Variants in TAX1BP1 observed in about 807,000 individuals in gnomAD.
TAX1BP1 encodes Tax1 binding protein 1.
In TAX1BP1, 62 loss-of-function variants were observed where a neutral mutation model predicts 97.7. The ratio of observed to expected loss-of-function variants is 0.63; its 90% CI spans 0.52 to 0.78. The LOEUF (loss-of-function observed/expected upper bound fraction) is 0.78. Among genes scored for constraint, TAX1BP1 ranks in the 30% least tolerant of loss-of-function variants. The probability of loss-of-function intolerance (pLI) is 0.00; values close to 1 mark genes in which losing one functional copy is unlikely to be tolerated. For missense variants in TAX1BP1, 867 were observed against 916.1 expected, an observed-to-expected ratio of 0.95 and a Z score of 0.69; for synonymous variants, 340 against 304.2, an observed-to-expected ratio of 1.12 and a Z score of -1.23.
chr7:27,757,957 T>C, intron 2 of TAX1BP1, 74 bp from the exon 3 acceptor site: 1 of 806,056 alleles, frequency 1.2e-6, no homozygotes, highest in South Asian at 1.8e-5. Context: ...ATACAATAAA[T>C]AAACAGTATG....
chr7:27,751,408 T>G (rs1178991007), intron 2 of TAX1BP1, among the ~76,000 whole-genome samples: 1 of 152,158 alleles, frequency 6.6e-6, no homozygotes, highest in Non-Finnish European at 1.5e-5. Context: ...ATTATACACA[T>G]GCATAATGTG....
At chr7:27,816,210 T>A (rs922358259) in intron 13 of TAX1BP1, 139 bp from the exon 14 acceptor site, 1 of 658,664 alleles carries the variant, frequency 1.5e-6, no homozygotes, top group Non-Finnish European at 2.4e-6. Flanking sequence ...CCAGCTTTTC[T>A]AACTGTGTTT....
rs138754469 is a variant in TAX1BP1, at chr7:27,740,969, T to TGCGC, written c.-8+710_-8+713dup. On this transcript the variant is annotated intron_variant, in intron 1 of 16. Transcript: ENST00000396319. ...GGGAATCTGTGGCTAGAGTTTAGCG[T>TGCGC]GCGCGCGCGCGCGTACACCTTATTA... 1.8e-4 allele frequency among the ~76,000 whole-genome samples: 27 copies of TGCGC among 151,842 alleles called. No individual in the cohort carries two copies. The South Asian group carries it at 3.3e-3, about 19-fold the overall frequency.
intron 5 of TAX1BP1, among the ~76,000 whole-genome samples, chr7:27,782,067 T>C (rs188300430): frequency 7.9e-4 from 120 of 152,282 alleles, no homozygotes; most frequent in African/African-American, 2.5e-3. Context: ...AAATTAACCT[T>C]AGCTCACTGT....
intron 15 of TAX1BP1, among the ~76,000 whole-genome samples, chr7:27,819,419 T>C (rs1790892427): frequency 6.6e-6 from 1 of 152,232 alleles, no homozygotes; most frequent in African/African-American, 2.4e-5. Flanking sequence ...CTTCATTTCC[T>C]GTTTCTCATT....
intron 5 of TAX1BP1, among the ~76,000 whole-genome samples, chr7:27,784,767 G>A (rs537750251): frequency 1.3e-5 from 2 of 152,074 alleles, no homozygotes; most frequent in Admixed American, 1.3e-4. Flanking sequence ...GAGGCAGGAG[G>A]ATTGTTTGAG....
At chr7:27,804,372 A>G (rs1029639861) in intron 13 of TAX1BP1, among the ~76,000 whole-genome samples, 1 of 152,212 alleles carries the variant, frequency 6.6e-6, no homozygotes, top group East Asian at 1.9e-4. Flanking sequence ...TTGGCATTCT[A>G]CTATAAGGAC....
At chr7:27,739,829 A>C (rs1787495294), upstream of TAX1BP1, 1 of 152,376 alleles carries the variant, frequency 6.6e-6, no homozygotes, top group African/African-American at 2.4e-5. Flanking sequence ...GGGATACGGT[A>C]CTGTCCATGG....
At chr7:27,795,480 C>G (rs530452336) in intron 11 of TAX1BP1, among the ~76,000 whole-genome samples, 5 of 152,128 alleles carry the variant, frequency 3.3e-5, no homozygotes, top group Middle Eastern at 3.4e-3. Context: ...TATGGTTTTC[C>G]TACTTACCCT....
chr7:27,800,760 C>T (rs1790103668), intron 13 of TAX1BP1, among the ~76,000 whole-genome samples: 1 of 151,830 alleles, frequency 6.6e-6, no homozygotes, highest in Non-Finnish European at 1.5e-5. Context: ...TTATTTTTGC[C>T]AATATAATCT....
intron 5 of TAX1BP1, among the ~76,000 whole-genome samples, chr7:27,779,542 T>C (rs149197852): frequency 6.6e-6 from 1 of 152,254 alleles, no homozygotes; most frequent in Non-Finnish European, 1.5e-5. Flanking sequence ...AATTTGGGTA[T>C]GATCAGTGAT....
intron 1 of TAX1BP1, among the ~76,000 whole-genome samples, chr7:27,744,358 C>A (rs567396907): frequency 6.6e-6 from 1 of 152,304 alleles, no homozygotes; most frequent in East Asian, 1.9e-4. Flanking sequence ...ATCTCCTGAA[C>A]TCGTGATCCG....
chr7:27,778,659 T>A (rs1789126350), intron 5 of TAX1BP1, among the ~76,000 whole-genome samples: 1 of 152,066 alleles, frequency 6.6e-6, no homozygotes, highest in Admixed American at 6.6e-5. Flanking sequence ...GGTCAAGAGA[T>A]CGAGACCATC....
chr7:27,816,647 TAGC>T lies in TAX1BP1; in HGVS notation c.1936+130_1936+132del, dbSNP rs1790779472. The T allele has an allele frequency of 1.9e-5, 18 of 955,052 alleles. No homozygotes were observed. In the East Asian group the frequency reaches 5.1e-4, roughly 27 times the overall value. 59.2% of individuals were successfully genotyped at this position (955,052 alleles called of 1,614,324 possible). On this transcript the variant is annotated intron_variant, in intron 14 of 16. Transcript: ENST00000396319. ...ACAAACATTATTTTATTTGTATAAT[TAGC>T]AGTTTTAATATTTAACACTGTAACT...
chr7:27,810,649 T>C (rs1485768236), intron 13 of TAX1BP1, among the ~76,000 whole-genome samples: 1 of 152,162 alleles, frequency 6.6e-6, no homozygotes, highest in Non-Finnish European at 1.5e-5. Flanking sequence ...TCAACTTGTC[T>C]TTTCAGCTAT....
intron 15 of TAX1BP1, among the ~76,000 whole-genome samples, chr7:27,821,834 C>T (rs1790990485): frequency 2.0e-5 from 3 of 152,102 alleles, no homozygotes; most frequent in Admixed American, 2.0e-4. Flanking sequence ...TAACCTCTTC[C>T]CATTTATTCC....
intron 1 of TAX1BP1, among the ~76,000 whole-genome samples, chr7:27,742,756 G>A (rs1583658503): frequency 6.6e-6 from 1 of 152,066 alleles, no homozygotes; most frequent in Non-Finnish European, 1.5e-5. Flanking sequence ...GTGAGCCACC[G>A]CACCCAGCCC....
intron 13 of TAX1BP1, among the ~76,000 whole-genome samples, chr7:27,802,673 A>ATT: frequency 6.6e-6 from 1 of 152,286 alleles, no homozygotes; most frequent in Non-Finnish European, 1.5e-5. Flanking sequence ...TTAACCATCA[A>ATT]TTTAAAAGGC....
chr7:27,822,430 C>T (rs1408873292), intron 15 of TAX1BP1, among the ~76,000 whole-genome samples: 1 of 152,156 alleles, frequency 6.6e-6, no homozygotes, highest in East Asian at 1.9e-4. Context: ...CTTATGTTTA[C>T]CTAAACCTTT....
Sources: gnomAD v4.1 joint callset for allele counts (sites outside exome capture counted in the v4.1 genomes callset) on GRCh38, gnomAD v4.1.1 for gene constraint, MANE v1.5 for transcripts, NCBI Gene and HGNC (gene_info 2026-07-23, HGNC 2026-07-21) for gene names.